The following CAMKMT variants were observed in gnomAD, a reference collection of about 807,000 sequenced individuals.
The protein encoded by CAMKMT is CaM KMT.
In CAMKMT, 53 loss-of-function variants were observed where a neutral mutation model predicts 48.0. The ratio of observed to expected loss-of-function variants is 1.10; its 90% CI spans 0.89 to 1.39. The LOEUF is 1.39. Ranked by LOEUF, CAMKMT falls within the 40% of genes most tolerant of loss-of-function variation. The probability of loss-of-function intolerance (pLI) is 0.00; values close to 1 mark genes in which losing one functional copy is unlikely to be tolerated. For missense variants in CAMKMT, 428 were observed against 402.7 expected, an observed-to-expected ratio of 1.06 and a Z score of -0.54; for synonymous variants, 165 against 152.3, an observed-to-expected ratio of 1.08 and a Z score of -0.61.
chr2:44,480,382 C>T (rs776898152), intron 3 of CAMKMT, among the ~76,000 whole-genome samples: 18 of 152,064 alleles, frequency 1.2e-4, no homozygotes, highest in South Asian at 1.0e-3. Flanking sequence ...TCAGTTTTAA[C>T]GGTCAAGTGA....
chr2:44,455,640 A>G (rs562557521), intron 3 of CAMKMT, among the ~76,000 whole-genome samples: 2 of 152,328 alleles, frequency 1.3e-5, no homozygotes, highest in African/African-American at 4.8e-5. Flanking sequence ...CTTAAGCCCT[A>G]TCACTAGCTG....
chr2:44,705,550 T>A, intron 4 of CAMKMT: 1 of 984,662 alleles, frequency 1.0e-6, no homozygotes, highest in Non-Finnish European at 1.2e-6. Context: ...AAGTGCAGAG[T>A]GCCACCCTAG....
chr2:44,472,296 G>A (rs187152063), intron 3 of CAMKMT, among the ~76,000 whole-genome samples: 105 of 152,134 alleles, frequency 6.9e-4, no homozygotes, highest in Admixed American at 1.2e-3. Context: ...GATATTAAAT[G>A]GGCAATTCTT....
intron 3 of CAMKMT, among the ~76,000 whole-genome samples, chr2:44,452,688 C>A (rs922014889): frequency 6.6e-6 from 1 of 151,936 alleles, no homozygotes; most frequent in African/African-American, 2.4e-5. Flanking sequence ...TTATCTTTAA[C>A]CTTTGTATTA....
intron 3 of CAMKMT, among the ~76,000 whole-genome samples, chr2:44,501,189 T>C (rs1669988757): frequency 6.6e-6 from 1 of 152,094 alleles, no homozygotes; most frequent in Non-Finnish European, 1.5e-5. Context: ...TATACAAATA[T>C]ATGGCAGTGT....
At chr2:44,631,951 G>A (rs1269251609) in intron 3 of CAMKMT, among the ~76,000 whole-genome samples, 1 of 151,818 alleles carries the variant, frequency 6.6e-6, no homozygotes, top group Non-Finnish European at 1.5e-5. Flanking sequence ...CACATATAAT[G>A]TTAGAAGCTT....
chr2:44,572,620 C>G (rs1393816383), intron 3 of CAMKMT, among the ~76,000 whole-genome samples: 1 of 151,972 alleles, frequency 6.6e-6, no homozygotes, highest in Admixed American at 6.6e-5. Flanking sequence ...TGTTGGAGTC[C>G]CTGCTTTAAT....
chr2:44,412,818 G>A (rs2104482975), intron 3 of CAMKMT, among the ~76,000 whole-genome samples: 1 of 152,032 alleles, frequency 6.6e-6, no homozygotes, highest in Middle Eastern at 3.4e-3. Context: ...GCTCACGCCT[G>A]TAATCCCAGC....
intron 3 of CAMKMT, among the ~76,000 whole-genome samples, chr2:44,458,979 C>G (rs1170127715): frequency 1.3e-5 from 2 of 152,016 alleles, no homozygotes; most frequent in Non-Finnish European, 1.5e-5. Context: ...ATATCACATT[C>G]TGAAGTTTTA....
rs139506638 is a variant in CAMKMT, at chr2:44,664,710, T to C, written c.377-39573T>C. ...TAAGAGAGGCAGGCACAAATTGATA[T>C]TGGTATTCACATGAGATTGCCTCCT... On this transcript the variant is annotated intron_variant, in intron 3 of 10. Coordinates refer to ENST00000378494, the MANE Select transcript of CAMKMT (RefSeq NM_024766.5). 1.8e-3 allele frequency among the ~76,000 whole-genome samples: 269 copies of C among 152,284 alleles called. 2 individuals are homozygous for C. Among genetic ancestry groups the C allele is most frequent in the African/African-American group, 5.7e-3 (235 of 41,570 alleles).
chr2:44,403,295 C>G (rs1000769221), intron 3 of CAMKMT, among the ~76,000 whole-genome samples: 3 of 152,060 alleles, frequency 2.0e-5, no homozygotes, highest in Non-Finnish European at 4.4e-5. Flanking sequence ...TTACTCCACC[C>G]CCAATTAAAA....
intron 3 of CAMKMT, among the ~76,000 whole-genome samples, chr2:44,390,843 T>C (rs921214170): frequency 5.9e-5 from 9 of 152,178 alleles, no homozygotes; most frequent in Non-Finnish European, 1.2e-4. Flanking sequence ...AAGCTTCTGA[T>C]TAATTGGTGA....
chr2:44,401,839 A>C (rs1682400601), intron 3 of CAMKMT, among the ~76,000 whole-genome samples: 1 of 152,182 alleles, frequency 6.6e-6, no homozygotes, highest in African/African-American at 2.4e-5. Context: ...CACCAGCAAC[A>C]AGCATCTTGA....
intron 3 of CAMKMT, among the ~76,000 whole-genome samples, chr2:44,652,834 C>A (rs575135580): frequency 6.6e-6 from 1 of 152,226 alleles, no homozygotes; most frequent in Non-Finnish European, 1.5e-5. Flanking sequence ...TTGACATCCA[C>A]TGACTCCCTA....
At chr2:44,413,885 A>T (rs1242261038) in intron 3 of CAMKMT, among the ~76,000 whole-genome samples, 1 of 152,240 alleles carries the variant, frequency 6.6e-6, no homozygotes, top group African/African-American at 2.4e-5. Context: ...TTGCACAATT[A>T]ATAAATTTTA....
At chr2:44,482,985 C>T (rs894082453) in intron 3 of CAMKMT, among the ~76,000 whole-genome samples, 2 of 152,152 alleles carry the variant, frequency 1.3e-5, no homozygotes, top group Admixed American at 6.5e-5. Context: ...ATCTGTATTA[C>T]AAAGAATCAT....
intron 10 of CAMKMT, among the ~76,000 whole-genome samples, chr2:44,767,881 G>T (rs1306221851): frequency 1.3e-5 from 2 of 152,184 alleles, no homozygotes; most frequent in East Asian, 3.9e-4. Context: ...CTTCAATGTC[G>T]TGCCATTCAC....
At chr2:44,390,584 G>T (rs1398659325) in intron 3 of CAMKMT, among the ~76,000 whole-genome samples, 1 of 151,894 alleles carries the variant, frequency 6.6e-6, no homozygotes, top group Non-Finnish European at 1.5e-5. Context: ...AGGTCAGAAA[G>T]AACACTGGAC....
chr2:44,375,622 G>A (rs1406816754), intron 2 of CAMKMT, among the ~76,000 whole-genome samples: 2 of 152,072 alleles, frequency 1.3e-5, no homozygotes, highest in East Asian at 1.9e-4. Context: ...GAAAGTTCTG[G>A]GAGAAGGGGA....
Sources: allele counts gnomAD v4.1 joint callset (sites outside exome capture counted in the v4.1 genomes callset), GRCh38; gene constraint gnomAD v4.1.1; transcripts MANE v1.5; gene names NCBI Gene and HGNC (gene_info 2026-07-23, HGNC 2026-07-21).